VIL1: variants seen among roughly 807,000 people sequenced by gnomAD.
VIL1 encodes villin 1.
VIL1 carries 86 observed loss-of-function variants against 104.0 expected under a neutral mutation model. The observed-to-expected ratio is 0.83, with a 90% CI of 0.69 to 0.99. The LOEUF is 0.99. Ranked by LOEUF, VIL1 falls within the 50% of genes least tolerant of loss-of-function variation. The pLI, the probability that VIL1 is intolerant of heterozygous loss-of-function variation, is 0.00. For missense variants in VIL1, 944 were observed against 1,054.1 expected (o/e 0.90, Z 1.45); for synonymous variants, 394 against 412.6 (o/e 0.95, Z 0.55).
intron 15 of VIL1, 108 bp downstream of exon 15, chr2:218,435,542 T>C: frequency 1.4e-6 from 2 of 1,414,126 alleles, no homozygotes; most frequent in Non-Finnish European, 1.9e-6. Context: ...GGACTCTGTG[T>C]GTCAGGCACT....
intron 19 of VIL1, among the ~76,000 whole-genome samples, chr2:218,446,196 C>G (rs1022435414): frequency 1.3e-5 from 2 of 152,254 alleles, no homozygotes; most frequent in Middle Eastern, 6.8e-3. Context: ...GACACATTCA[C>G]AGAAGAATAT....
intron 6 of VIL1, among the ~76,000 whole-genome samples, 172 bp from the exon 7 acceptor site, chr2:218,429,113 G>A (rs1304658758): frequency 6.6e-6 from 1 of 152,226 alleles, no homozygotes; most frequent in Non-Finnish European, 1.5e-5. Context: ...CTTCCCCCTG[G>A]TTTCCTTACA....
At position 218,450,220 on chromosome 2, in the gene VIL1, T is replaced by C. The variant is rs984651259; in HGVS notation, c.*884T>C. ...GTTGTTACAAGTATCAGCAAGAATGTGTCCTTTTCAGAAATAACAGTCAAA... is the reference window on the plus strand; with the variant it reads ...GTTGTTACAAGTATCAGCAAGAATGCGTCCTTTTCAGAAATAACAGTCAAA... On this transcript the variant is annotated 3_prime_UTR_variant, in exon 20 of 20. Coordinates refer to ENST00000248444, the MANE Select transcript of VIL1 (RefSeq NM_007127.3). The C allele has an allele frequency of 4.6e-5, 7 of 152,220 alleles. No individual in the cohort carries two copies. Among genetic ancestry groups the C allele is most frequent in the East Asian group, 3.8e-4 (2 of 5,202 alleles). The allele number at this position is 152,220 out of a possible 1,614,324, so 9.4% of individuals were successfully genotyped here.
At chr2:218,420,710 C>T (rs977022028) in intron 1 of VIL1, among the ~76,000 whole-genome samples, 24 of 151,848 alleles carry the variant, frequency 1.6e-4, no homozygotes, top group African/African-American at 5.1e-4. Context: ...CTCAGCCTCC[C>T]GCGTAGCTGG....
chr2:218,440,603 T>G (rs1574819385), intron 18 of VIL1, 119 bp from the exon 19 acceptor site: 77 of 1,182,044 alleles, frequency 6.5e-5, no homozygotes, highest in Middle Eastern at 2.4e-4. Context: ...TGTGGCAGGG[T>G]GGGGTGGGAC....
intron 19 of VIL1, among the ~76,000 whole-genome samples, chr2:218,442,551 G>T (rs1689301108): frequency 6.6e-6 from 1 of 151,970 alleles, no homozygotes; most frequent in African/African-American, 2.4e-5. Context: ...GCTTACTACA[G>T]CCTCAACTTT....
intron 13 of VIL1, among the ~76,000 whole-genome samples, chr2:218,433,443 G>GA (rs756161512): frequency 0.02 from 2,759 of 134,710 alleles, 31 homozygotes; most frequent in Non-Finnish European, 0.03. Flanking sequence ...TTTAAAAAAA[G>GA]AAAAAAAAAA....
intron 19 of VIL1, among the ~76,000 whole-genome samples, chr2:218,448,542 G>C (rs529663836): frequency 4.6e-5 from 7 of 151,134 alleles, no homozygotes; most frequent in African/African-American, 1.5e-4. Flanking sequence ...CCAGCCTGGG[G>C]AACACAGTAA....
chr2:218,425,948 TG>T, intron 4 of VIL1, 137 bp downstream of exon 4: 1 of 847,152 alleles, frequency 1.2e-6, no homozygotes, highest in Non-Finnish European at 1.6e-6. Context: ...GGAGGTGACC[TG>T]GGGCGGGGAA....
chr2:218,425,553 C>T (rs561686645), intron 3 of VIL1, 62 bp from the exon 4 acceptor site: 2 of 1,572,994 alleles, frequency 1.3e-6, no homozygotes, highest in African/African-American at 2.7e-5. Flanking sequence ...TGGGAGGTCA[C>T]ACAGAGCTGG....
At chr2:218,447,103 A>C (rs1324507481) in intron 19 of VIL1, among the ~76,000 whole-genome samples, 1 of 152,102 alleles carries the variant, frequency 6.6e-6, no homozygotes, top group Admixed American at 6.6e-5. Flanking sequence ...TGAAAATGAG[A>C]ACATTCAAAT....
chr2:218,432,251 AGTGGCCAT>A, intron 12 of VIL1, 68 bp downstream of exon 12: 1 of 1,566,894 alleles, frequency 6.4e-7, no homozygotes, highest in Non-Finnish European at 8.6e-7. Context: ...ACTCCTGCTA[AGTGGCCAT>A]CACCCTTGGG....
At position 218,421,809 on chromosome 2, in the gene VIL1, A is replaced by G. The variant is rs116834610; in HGVS notation, c.-11-1959A>G. ...AAGTGCCTGCTCATGTCCACCCTCT[A>G]TTCCTCTTGCTGCCAGTTAACCCTG... On this transcript the variant is annotated intron_variant, in intron 1 of 19. Coordinates refer to ENST00000248444, the MANE Select transcript of VIL1 (RefSeq NM_007127.3). Among the ~76,000 whole-genome samples the G allele has an allele frequency of 9.9e-3, 1,505 of 152,174 alleles. 28 individuals are homozygous for G. The highest frequency in any genetic ancestry group is 0.034 in the African/African-American group (1,428 of 41,508).
intron 12 of VIL1, chr2:218,432,585 C>G: frequency 1.2e-6 from 1 of 815,742 alleles, no homozygotes; most frequent in Non-Finnish European, 2.0e-6. Context: ...TGGGCTGGGT[C>G]TGGGAAAGAA....
intron 15 of VIL1, among the ~76,000 whole-genome samples, chr2:218,436,252 C>T (rs1224879698): frequency 6.6e-6 from 1 of 152,040 alleles, no homozygotes; most frequent in African/African-American, 2.4e-5. Flanking sequence ...GGAAGAACTT[C>T]CTAACAAGGC....
intron 19 of VIL1, 111 bp downstream of exon 19, chr2:218,440,973 T>C (rs1689275249): frequency 1.5e-6 from 2 of 1,322,110 alleles, no homozygotes; most frequent in Non-Finnish European, 2.1e-6. Flanking sequence ...ACAAGACAGA[T>C]GGGATCCTGC....
Position 218,429,414 on chromosome 2 carries a change from C to G in VIL1, c.697C>G (p.Arg233Gly), listed in dbSNP as rs200537340. The G allele has an allele frequency of 1.1e-5, 17 of 1,613,970 alleles. No homozygotes were observed. The highest frequency in any genetic ancestry group is 5.0e-5 in the Admixed American group (3 of 60,008). ...MEVMNHVLGK[R>G]RELKAAVPDT... ...GGTGATGAACCACGTGCTGGGCAAGCGCAGGGAGCTGAAGGCGGCCGTGCC... is the reference window on the plus strand; with the variant it reads ...GGTGATGAACCACGTGCTGGGCAAGGGCAGGGAGCTGAAGGCGGCCGTGCC... Residue 233 changes from arginine (R) to glycine (G), a missense_variant, in exon 7 of 20, where the codon CGC (arginine) becomes GGC (glycine). Transcript: ENST00000248444.
chr2:218,447,745 T>G (rs1216983558), intron 19 of VIL1, among the ~76,000 whole-genome samples: 2 of 151,848 alleles, frequency 1.3e-5, no homozygotes, highest in Non-Finnish European at 2.9e-5. Flanking sequence ...GTTTTGTTTT[T>G]TTTTTGAGAT....
intron 12 of VIL1, chr2:218,432,417 C>G: frequency 1.3e-6 from 1 of 748,964 alleles, no homozygotes; most frequent in Non-Finnish European, 2.3e-6. Context: ...ACATTCTTGT[C>G]ACCTGCTCTG....
Sources: allele counts gnomAD v4.1 joint callset (sites outside exome capture counted in the v4.1 genomes callset), GRCh38; gene constraint gnomAD v4.1.1; transcripts MANE v1.5; gene names NCBI Gene and HGNC (gene_info 2026-07-23, HGNC 2026-07-21).